DTD2: variants seen among roughly 807,000 people sequenced by gnomAD.
DTD2 encodes the protein D-tyrosyl-tRNA deacylase 2 (putative).
In DTD2, 12 loss-of-function variants were observed where a neutral mutation model predicts 15.5. The ratio of observed to expected loss-of-function variants is 0.77; its 90% CI spans 0.50 to 1.25. The LOEUF (loss-of-function observed/expected upper bound fraction) is 1.25, where lower values mean the gene tolerates loss of function less well. Among genes scored for constraint, DTD2 ranks in the 50% most tolerant of loss-of-function variants. DTD2 has a pLI of 0.00. For synonymous variants in DTD2, 59 were observed against 77.3 expected (o/e 0.76, Z 1.24); for missense variants, 170 against 201.1 (o/e 0.85, Z 0.93).
intron 1 of DTD2, 139 bp from the exon 2 acceptor site, chr14:31,453,483 C>A: frequency 1.5e-6 from 1 of 661,080 alleles, no homozygotes; most frequent in Non-Finnish European, 2.4e-6. Flanking sequence ...CAAAAGATTT[C>A]TCATGTGAGA....
intron 2 of DTD2, among the ~76,000 whole-genome samples, chr14:31,451,461 CTT>C (rs34116335): frequency 2.7e-5 from 4 of 150,928 alleles, no homozygotes; most frequent in Non-Finnish European, 5.9e-5. Context: ...CTCTCTCTCT[CTT>C]TTTTTTTCTT....
At chr14:31,451,643 A>G (rs1178101486) in intron 2 of DTD2, among the ~76,000 whole-genome samples, 1 of 152,190 alleles carries the variant, frequency 6.6e-6, no homozygotes, top group East Asian at 1.9e-4. Flanking sequence ...TTGATATGTC[A>G]GTATAAAATT....
intron 1 of DTD2, 152 bp from the exon 2 acceptor site, chr14:31,453,496 A>G: frequency 1.6e-6 from 1 of 609,808 alleles, no homozygotes; most frequent in Non-Finnish European, 2.7e-6. Flanking sequence ...ATGTGAGAAA[A>G]CAAAATATTT....
At chr14:31,454,722 T>A (rs896152386) in intron 1 of DTD2, among the ~76,000 whole-genome samples, 1 of 152,232 alleles carries the variant, frequency 6.6e-6, no homozygotes, top group East Asian at 1.9e-4. Context: ...ATAATAGATG[T>A]TAAGCTGTGA....
At chr14:31,455,550 C>CAA (rs1196931988) in intron 1 of DTD2, among the ~76,000 whole-genome samples, 2,339 of 68,482 alleles carry the variant, frequency 0.034, 173 homozygotes, top group African/African-American at 0.12. Flanking sequence ...GACTCTGTCT[C>CAA]AAAAAAAAAA....
rs1333339226 is a variant in DTD2 at position 31,457,474 on chromosome 14, G to A, written c.-81C>T. 8.9e-7 allele frequency: 1 copy of A among 1,117,364 alleles called. No homozygotes were observed. The highest frequency in any genetic ancestry group is 1.2e-6 in the Non-Finnish European group (1 of 818,798). 69.2% of individuals were successfully genotyped at this position (1,117,364 alleles called of 1,614,324 possible). On this transcript the variant is annotated 5_prime_UTR_variant, in exon 1 of 3. Transcript: ENST00000310850. ...CCCTCGACGCGCTGGCGGGGCAGAC[G>A]AGGCGGGGCACGACGAAGGGCCTGC... is the stretch of plus-strand genomic sequence containing the variant.
chr14:31,447,094 T>A lies in DTD2; in HGVS notation c.*1035A>T, dbSNP rs1335313276. On this transcript the variant is annotated 3_prime_UTR_variant, in exon 3 of 3. Transcript: ENST00000310850. ...TAAAGTAATGTAAAACATTTGAATG[T>A]CCCTGGAAAGTAATATAACACACAA... The A allele has an allele frequency of 2.0e-5, 3 of 152,142 alleles. No individual in the cohort carries two copies. The highest frequency in any genetic ancestry group is 7.2e-5 in the African/African-American group (3 of 41,408). The allele number at this position is 152,142 out of a possible 1,614,324, so 9.4% of individuals were successfully genotyped here.
chr14:31,455,418 G>A (rs1436245473), intron 1 of DTD2, among the ~76,000 whole-genome samples: 2 of 151,290 alleles, frequency 1.3e-5, no homozygotes, highest in Non-Finnish European at 2.9e-5. Flanking sequence ...AGGCGTGGTG[G>A]TGGGCGCCTG....
At position 31,453,299 on chromosome 14, in the gene DTD2, C is replaced by T; in HGVS notation, c.157G>A (p.Asp53Asn). 6.2e-7 allele frequency: 1 copy of T among 1,614,006 alleles called. No individual in the cohort carries two copies. The highest frequency in any genetic ancestry group is 8.5e-7 in the Non-Finnish European group (1 of 1,180,000). The change falls in exon 2 of 3, where the codon GAT becomes AAT. Residue 53 changes from aspartate (D) to asparagine (N), a missense_variant. Asp to Asn is a conservative substitution (Grantham distance 23). Transcript: ENST00000310850. ...CCCATTTTGGGAAGAAGTTCTTTAT[C>T]AGCTCCCTTGAAAAAGCACACGTAG... ...VIYVCFFKGA[D>N]KELLPKMVNT...
At chr14:31,455,923 A>T (rs1357849655) in intron 1 of DTD2, among the ~76,000 whole-genome samples, 2 of 152,154 alleles carry the variant, frequency 1.3e-5, no homozygotes, top group East Asian at 1.9e-4. Flanking sequence ...CAAATAAGGA[A>T]ATCAAGACCT....
At position 31,446,332 on chromosome 14, in the gene DTD2, TAAAAAA is replaced by T. The variant is rs5807623; in HGVS notation, c.*1791_*1796del. 3 of 149,980 alleles carry T rather than the reference TAAAAAA, an allele frequency of 2.0e-5. No homozygotes were observed. The South Asian group carries it at 6.3e-4, about 31-fold the overall frequency. 9.3% of individuals were successfully genotyped at this position (149,980 alleles called of 1,614,324 possible). On this transcript the variant is annotated 3_prime_UTR_variant, in exon 3 of 3. Transcript: ENST00000310850. Reference sequence around the variant, plus strand: ...GAATTAGTTATTTGGTTTTTACTCTTAAAAAAAAAAAGTATTTTCAACTCAAGTCAG... The same window carrying T: ...GAATTAGTTATTTGGTTTTTACTCTTAAAAAGTATTTTCAACTCAAGTCAG...
intron 2 of DTD2, among the ~76,000 whole-genome samples, chr14:31,451,493 T>G (rs1475212577): frequency 6.6e-6 from 1 of 151,946 alleles, no homozygotes; most frequent in Non-Finnish European, 1.5e-5. Context: ...GACCAGAACA[T>G]TATGCTCTTA....
At chr14:31,453,986 T>TGGCC (rs1345787302) in intron 1 of DTD2, among the ~76,000 whole-genome samples, 3 of 152,160 alleles carry the variant, frequency 2.0e-5, no homozygotes, top group African/African-American at 7.2e-5. Flanking sequence ...GGCTTATTTA[T>TGGCC]TTTACATAAT....
At chr14:31,453,104 C>T (rs1435173308) in intron 2 of DTD2, among the ~76,000 whole-genome samples, 171 bp downstream of exon 2, 4 of 152,022 alleles carry the variant, frequency 2.6e-5, no homozygotes, top group Non-Finnish European at 5.9e-5. Context: ...TACCCAGCTA[C>T]TTTTGTTTAT....
rs1249370916 is a variant in DTD2, at chr14:31,446,519, G to A, written c.*1610C>T. On this transcript the variant is annotated 3_prime_UTR_variant, in exon 3 of 3. Transcript: ENST00000310850. ...AGACTGCCCTAACAAAATACCATAG[G>A]ACTGGGTGGTTTAAACACCAGAAAT... The A allele has an allele frequency of 1.3e-5, 2 of 152,098 alleles. No homozygotes were observed. Among genetic ancestry groups the A allele is most frequent in the East Asian group, 3.9e-4 (2 of 5,184 alleles). 9.4% of individuals were successfully genotyped at this position (152,098 alleles called of 1,614,324 possible). A position where few individuals can be genotyped will look rare whatever the true frequency, so the allele number is the denominator to read the frequency against.
intron 2 of DTD2, among the ~76,000 whole-genome samples, chr14:31,449,806 G>A (rs1207303544): frequency 6.6e-6 from 1 of 152,150 alleles, no homozygotes; most frequent in Non-Finnish European, 1.5e-5. Flanking sequence ...GCTTTCTGTT[G>A]GGGTAGCTAA....
chr14:31,449,650 CT>C (rs1365769558), intron 2 of DTD2, among the ~76,000 whole-genome samples: 1 of 152,108 alleles, frequency 6.6e-6, no homozygotes, highest in Non-Finnish European at 1.5e-5. Context: ...AAAGAAGTGT[CT>C]AATATAAATA....
At chr14:31,449,639 A>G (rs541292746) in intron 2 of DTD2, among the ~76,000 whole-genome samples, 4 of 152,240 alleles carry the variant, frequency 2.6e-5, no homozygotes, top group Admixed American at 2.6e-4. Context: ...AACAATAAGC[A>G]AAAGAAGTGT....
chr14:31,448,406 T>C lies in DTD2; in HGVS notation c.230A>G (p.His77Arg), dbSNP rs1347732059. 1.2e-6 allele frequency: 2 copies of C among 1,613,710 alleles called. No homozygotes were observed. The highest frequency in any genetic ancestry group is 1.7e-6 in the Non-Finnish European group (2 of 1,179,916). ...VKLSETENGK[H>R]VSILDLPGNI... ...GCCAGGTAGATCCAATATAGAGACA[T>C]GCTTGCCATTTTCTGTCTCACTTAA... Residue 77 changes from histidine (H) to arginine (R), a missense_variant, in exon 3 of 3, where the codon CAT (histidine) becomes CGT (arginine). Transcript: ENST00000310850.
Sources: gnomAD v4.1 joint callset for allele counts (sites outside exome capture counted in the v4.1 genomes callset) on GRCh38, gnomAD v4.1.1 for gene constraint, MANE v1.5 for transcripts, NCBI Gene and HGNC (gene_info 2026-07-23, HGNC 2026-07-21) for gene names.